Variants in ITGB7 observed in about 807,000 individuals in gnomAD.
ITGB7 encodes integrin subunit beta 7.
Under a neutral mutation model 83.4 loss-of-function variants are expected in ITGB7, and 55 were observed. That is an observed-to-expected ratio of 0.66 (90% CI 0.53 to 0.83). ITGB7 has a LOEUF of 0.83. ITGB7 is among the 40% of genes least tolerant of loss of function. The pLI is 0.00. For missense variants in ITGB7, 921 were observed against 1,046.7 expected (o/e 0.88, Z 1.66); for synonymous variants, 454 against 423.6 (o/e 1.07, Z -0.88).
intron 9 of ITGB7, chr12:53,195,096 C>G (rs1592401364): frequency 4.2e-6 from 2 of 476,474 alleles, no homozygotes; most frequent in Non-Finnish European, 7.7e-6. Flanking sequence ...GTATGTACAC[C>G]TAGGATGGTG....
At position 53,197,630 on chromosome 12, in the gene ITGB7, C is replaced by A; in HGVS notation, c.437G>T (p.Arg146Leu). 3.1e-6 allele frequency: 5 copies of A among 1,614,072 alleles called. No homozygotes were observed. Among genetic ancestry groups the A allele is most frequent in the Non-Finnish European group, 3.4e-6 (4 of 1,179,992 alleles). ...CAGGTCCACCGGGTATCCCTCAGCA[C>A]GAAGGAAGCGGACCTGGAGCTGCTG... Reference protein sequence around the residue: ...EPQQLQVRFLRAEGYPVDLYY... With the variant: ...EPQQLQVRFLLAEGYPVDLYY... The change falls in exon 5 of 16, where the codon CGT (arginine) becomes CTT (leucine). Residue 146 changes from arginine to leucine, a missense_variant. Arg to Leu is a moderately radical substitution (Grantham distance 102, BLOSUM62 -2). Coordinates refer to ENST00000267082, the MANE Select transcript of ITGB7 (RefSeq NM_000889.3).
intron 1 of ITGB7, among the ~76,000 whole-genome samples, chr12:53,205,077 G>A (rs1346523641): frequency 1.3e-5 from 2 of 151,778 alleles, no homozygotes. Flanking sequence ...CACCCACCTC[G>A]GCCTCCCAAA....
rs753622565 is a variant in ITGB7, at chr12:53,192,543, G to A, written c.1947-5C>T. On this transcript the variant is annotated splice_polypyrimidine_tract_variant and splice_region_variant and intron_variant, in intron 13 of 15. Transcript: ENST00000267082. ...GCCCCACACTCTGCACAGTCCCTGT[G>A]TAGTAGATGCCAATAGGTTACCAGC... 1.1e-5 allele frequency: 18 copies of A among 1,613,260 alleles called. No individual in the cohort carries two copies. Among genetic ancestry groups the A allele is most frequent in the Non-Finnish European group, 1.4e-5 (16 of 1,179,692 alleles).
rs1342212449 is a variant in ITGB7, at chr12:53,193,334, C to T, written c.1532G>A (p.Cys511Tyr). 2 of 1,597,956 alleles carry T rather than the reference C, an allele frequency of 1.3e-6. No individual in the cohort carries two copies. The highest frequency in any genetic ancestry group is 1.7e-6 in the Non-Finnish European group (2 of 1,169,052). The change falls in exon 12 of 16, where the codon TGT becomes TAT. Residue 511 changes from cysteine (C) to tyrosine (Y), a missense_variant. Cys to Tyr is a radical substitution (Grantham distance 194, BLOSUM62 -2). Transcript: ENST00000267082. ...SCAPGRLGRL[C>Y]ECSVAELSSP... ...GGACAGCTCTGCCACAGAGCACTCA[C>T]AGAGCCGACCTAGGCGGCCAGGGGC...
chr12:53,200,906 G>C (rs1942309203), intron 2 of ITGB7, among the ~76,000 whole-genome samples, 166 bp downstream of exon 2: 1 of 151,532 alleles, frequency 6.6e-6, no homozygotes, highest in South Asian at 2.1e-4. Context: ...ACCAGCCTGG[G>C]TGACAAAGCA....
chr12:53,201,592 G>A (rs1439246036), intron 1 of ITGB7, among the ~76,000 whole-genome samples: 1 of 151,822 alleles, frequency 6.6e-6, no homozygotes, highest in African/African-American at 2.4e-5. Context: ...AAATGAGCAG[G>A]TAATTCATTT....
intron 1 of ITGB7, among the ~76,000 whole-genome samples, chr12:53,202,796 A>G (rs551609507): frequency 1.3e-5 from 2 of 152,112 alleles, no homozygotes; most frequent in Non-Finnish European, 2.9e-5. Flanking sequence ...CCCCGTCTCT[A>G]CTAAAAATAC....
rs754333110 is a variant in ITGB7, at chr12:53,196,835, G to A, written c.575-15C>T. On this transcript the variant is annotated splice_polypyrimidine_tract_variant and intron_variant, in intron 5 of 15. Coordinates refer to ENST00000267082, the MANE Select transcript of ITGB7 (RefSeq NM_000889.3). ...GGAACCAAAACCTGGGAGAGGAGAG[G>A]AATGAAGGTTGTGCCAGAAGTCGCA... 1.9e-6 allele frequency: 3 copies of A among 1,584,190 alleles called. No individual in the cohort carries two copies. Among genetic ancestry groups the A allele is most frequent in the Non-Finnish European group, 2.6e-6 (3 of 1,158,428 alleles).
In ITGB7 at chr12:53,196,201, T is replaced by C; in HGVS notation, c.817-2A>G. On this transcript the variant is annotated splice_acceptor_variant, in intron 6 of 15. Coordinates refer to ENST00000267082, the MANE Select transcript of ITGB7 (RefSeq NM_000889.3). LOFTEE classifies it high-confidence loss of function. The stretch of plus-strand genomic sequence containing the variant: ...CACATTTCTCCAGCCAATCTGCTCC[T>C]GAGTTACAGTGGGGGTGGTAGGCTA... 6.2e-7 allele frequency: 1 copy of C among 1,613,888 alleles called. No homozygotes were observed. The highest frequency in any genetic ancestry group is 8.5e-7 in the Non-Finnish European group (1 of 1,179,804).
chr12:53,198,074 CCT>C, intron 3 of ITGB7, 123 bp from the exon 4 acceptor site: 1 of 651,132 alleles, frequency 1.5e-6, no homozygotes, highest in Non-Finnish European at 2.5e-6. Flanking sequence ...TCCTTGAGTC[CCT>C]GATTCCCTCC....
In ITGB7 at chr12:53,193,263, G is replaced by T. The variant is rs746919390; in HGVS notation, c.1603C>A (p.Pro535Thr). ...CAGTGACCCTTTCCACTGCACAGGG[G>T]CCCTGTGCCATTGGGAGCCCGGCAC... ...SGCRAPNGTG[P>T]LCSGKGHCQC... The change falls in exon 12 of 16, where the codon CCC becomes ACC. Residue 535 changes from proline to threonine, a missense_variant. By Grantham distance (38) the Pro-to-Thr change is conservative. Coordinates refer to ENST00000267082, the MANE Select transcript of ITGB7 (RefSeq NM_000889.3). 11 of 1,613,632 alleles carry T rather than the reference G, an allele frequency of 6.8e-6. No individual in the cohort carries two copies. The highest frequency in any genetic ancestry group is 2.2e-5 in the South Asian group (2 of 91,068).
intron 9 of ITGB7, 41 bp from the exon 10 acceptor site, chr12:53,194,385 A>G (rs1942083940): frequency 1.2e-6 from 2 of 1,603,968 alleles, no homozygotes; most frequent in Non-Finnish European, 1.7e-6. Flanking sequence ...TGAAGGCAGA[A>G]AAGGACTCCA....
chr12:53,192,970 G>T, intron 12 of ITGB7, 60 bp from the exon 13 acceptor site: 1 of 1,537,592 alleles, frequency 6.5e-7, no homozygotes, highest in South Asian at 1.1e-5. Flanking sequence ...TGGCCATCAT[G>T]TGGCACGACA....
At chr12:53,193,567 A>G (rs1942046145) in intron 11 of ITGB7, 141 bp downstream of exon 11, 1 of 816,940 alleles carries the variant, frequency 1.2e-6, no homozygotes, top group African/African-American at 1.7e-5. Flanking sequence ...ATACATGGGA[A>G]GCTTCAAGGG....
rs1374630521 is a variant in ITGB7, at chr12:53,199,151, T to C, written c.201+1092A>G. 2.0e-5 allele frequency among the ~76,000 whole-genome samples: 3 copies of C among 152,148 alleles called. No individual in the cohort carries two copies. The East Asian group carries it at 5.8e-4, about 29-fold the overall frequency. On this transcript the variant is annotated intron_variant, in intron 3 of 15. Coordinates refer to ENST00000267082, the MANE Select transcript of ITGB7 (RefSeq NM_000889.3). ...TCCATGTGAATTTGCCCCCATCTCT[T>C]ATCTGGGCTCCCACACTGATCTAAC... is the stretch of plus-strand genomic sequence containing the variant.
chr12:53,195,295 C>T (rs564168648), intron 9 of ITGB7, 79 bp downstream of exon 9: 264 of 999,042 alleles, frequency 2.6e-4, no homozygotes, highest in Admixed American at 8.4e-4. Context: ...CCTCTTAGTT[C>T]TGCCACCCCA....
chr12:53,201,574 AT>A, intron 1 of ITGB7, among the ~76,000 whole-genome samples: 2 of 152,294 alleles, frequency 1.3e-5, no homozygotes, highest in East Asian at 3.9e-4. Context: ...AAACATATTA[AT>A]TTTTTAAAAT....
chr12:53,194,025 T>G lies in ITGB7; in HGVS notation c.1309-124A>C. 5 of 1,297,654 alleles carry G rather than the reference T, an allele frequency of 3.9e-6. No individual in the cohort carries two copies. The South Asian group carries it at 6.9e-5, about 18-fold the overall frequency. The allele number at this position is 1,297,654 out of a possible 1,614,324, so 80.4% of individuals were successfully genotyped here. ...GGATGGGGTCATGTTAACACCCAAC[T>G]CCTAGAAACATGCCTGAGGAAGCCA... On this transcript the variant is annotated intron_variant, in intron 10 of 15. Transcript: ENST00000267082.
chr12:53,195,071 A>G, intron 9 of ITGB7: 2 of 345,996 alleles, frequency 5.8e-6, no homozygotes, highest in Non-Finnish European at 1.1e-5. Context: ...GCAGGGTTAA[A>G]TGAAGTAGCA....
Sources: allele counts gnomAD v4.1 joint callset (sites outside exome capture counted in the v4.1 genomes callset), GRCh38; gene constraint gnomAD v4.1.1; transcripts MANE v1.5; gene names NCBI Gene and HGNC (gene_info 2026-07-23, HGNC 2026-07-21).